CNTFR: variants seen among roughly 807,000 people sequenced by gnomAD.
CNTFR encodes ciliary neurotrophic factor receptor subunit alpha.
In CNTFR, 12 loss-of-function variants were observed where a neutral mutation model predicts 40.4. That is an observed-to-expected ratio of 0.30 (90% CI 0.19 to 0.48). The LOEUF is 0.48. Ranked by LOEUF, CNTFR falls within the 20% of genes least tolerant of loss-of-function variation. The pLI, the probability that CNTFR is intolerant of heterozygous loss-of-function variation, is 0.99. For missense variants in CNTFR, 414 were observed against 506.8 expected, an observed-to-expected ratio of 0.82 and a Z score of 1.76; for synonymous variants, 202 against 209.6, an observed-to-expected ratio of 0.96 and a Z score of 0.31.
chr9:34,573,415 G>A (rs555904113), intron 2 of CNTFR, among the ~76,000 whole-genome samples: 3 of 152,302 alleles, frequency 2.0e-5, no homozygotes, highest in Non-Finnish European at 2.9e-5. Context: ...CTGTGGGCAC[G>A]CCGAGGCTCA....
At chr9:34,583,790 C>T (rs1827431282) in intron 1 of CNTFR, among the ~76,000 whole-genome samples, 1 of 152,144 alleles carries the variant, frequency 6.6e-6, no homozygotes, top group Non-Finnish European at 1.5e-5. Context: ...CCAAAACCGC[C>T]TTCTCTCCGG....
intron 2 of CNTFR, among the ~76,000 whole-genome samples, chr9:34,579,004 G>C (rs1827142582): frequency 6.6e-6 from 1 of 152,210 alleles, no homozygotes. Flanking sequence ...GTGACGGACA[G>C]GTTGGTCACT....
intron 2 of CNTFR, among the ~76,000 whole-genome samples, chr9:34,572,650 G>GC (rs537037791): frequency 6.6e-6 from 1 of 152,086 alleles, no homozygotes; most frequent in Admixed American, 6.5e-5. Flanking sequence ...AAATTCTGGG[G>GC]CCCCAACTTA....
chr9:34,583,569 C>T (rs1278081791), intron 1 of CNTFR, among the ~76,000 whole-genome samples: 1 of 152,188 alleles, frequency 6.6e-6, no homozygotes, highest in Non-Finnish European at 1.5e-5. Context: ...GCTCCGCCTG[C>T]CAATTCCTGA....
intron 2 of CNTFR, among the ~76,000 whole-genome samples, chr9:34,580,613 C>T (rs961395999): frequency 1.3e-5 from 2 of 152,184 alleles, no homozygotes; most frequent in African/African-American, 4.8e-5. Context: ...GCCCCCACCC[C>T]CAAGCTGCCA....
intron 3 of CNTFR, 130 bp from the exon 4 acceptor site, chr9:34,564,962 G>C: frequency 1.4e-6 from 1 of 725,312 alleles, no homozygotes; most frequent in East Asian, 2.7e-5. Context: ...GTCTGTGTGA[G>C]TGTTTGGGGA....
rs549747585 is a variant in CNTFR at position 34,574,568 on chromosome 9, A to G, written c.1-5587T>C. Among the ~76,000 whole-genome samples, 12 of 152,260 alleles carry G rather than the reference A, an allele frequency of 7.9e-5. No homozygotes were observed. The East Asian group carries it at 2.3e-3, about 29-fold the overall frequency. ...AAGGGGGCAGAATAAGCCAAGCACCAGTAGGAAGGGGCCAGGAGGGAGGCA... is the reference window on the plus strand; with the variant it reads ...AAGGGGGCAGAATAAGCCAAGCACCGGTAGGAAGGGGCCAGGAGGGAGGCA... On this transcript the variant is annotated intron_variant, in intron 2 of 9. Coordinates refer to ENST00000378980, the MANE Select transcript of CNTFR (RefSeq NM_147164.3).
At chr9:34,573,762 C>A (rs182055798) in intron 2 of CNTFR, among the ~76,000 whole-genome samples, 4 of 152,332 alleles carry the variant, frequency 2.6e-5, no homozygotes, top group Non-Finnish European at 5.9e-5. Flanking sequence ...GCCTAGAGGG[C>A]CCATCTCAGG....
intron 4 of CNTFR, among the ~76,000 whole-genome samples, chr9:34,561,622 A>T (rs1231346727): frequency 6.6e-6 from 1 of 152,246 alleles, no homozygotes; most frequent in Admixed American, 6.5e-5. Flanking sequence ...AATACTGTTA[A>T]GACCAAGTTC....
intron 2 of CNTFR, among the ~76,000 whole-genome samples, chr9:34,578,369 G>C (rs1234087478): frequency 6.6e-6 from 1 of 152,186 alleles, no homozygotes; most frequent in Non-Finnish European, 1.5e-5. Context: ...GAGGAGATGT[G>C]GCACTTGATG....
At chr9:34,587,885 T>G (rs1446601502) in intron 1 of CNTFR, among the ~76,000 whole-genome samples, 1 of 152,052 alleles carries the variant, frequency 6.6e-6, no homozygotes, top group East Asian at 1.9e-4. Flanking sequence ...TGGGTCCCAG[T>G]GTGAGCAGAG....
chr9:34,579,715 G>A (rs1016738280), intron 2 of CNTFR, among the ~76,000 whole-genome samples: 1 of 152,088 alleles, frequency 6.6e-6, no homozygotes, highest in African/African-American at 2.4e-5. Context: ...CCAGAGAGAG[G>A]CTCTCTGCAA....
chr9:34,558,608 G>A (rs969225528), intron 4 of CNTFR, among the ~76,000 whole-genome samples: 12 of 152,176 alleles, frequency 7.9e-5, no homozygotes, highest in African/African-American at 2.7e-4. Context: ...GGATCCGTAG[G>A]AGCAGCTATG....
chr9:34,584,784 C>T (rs1184629625), intron 1 of CNTFR, among the ~76,000 whole-genome samples: 1 of 151,962 alleles, frequency 6.6e-6, no homozygotes, highest in Non-Finnish European at 1.5e-5. Flanking sequence ...GGCAGGATGA[C>T]CTCTGACCTC....
intron 2 of CNTFR, among the ~76,000 whole-genome samples, chr9:34,577,035 C>T (rs552981687): frequency 1.3e-5 from 2 of 152,320 alleles, no homozygotes; most frequent in South Asian, 4.1e-4. Context: ...GGGCAGATGC[C>T]CAGCAGCAGG....
At chr9:34,559,070 C>T (rs927114474) in intron 4 of CNTFR, among the ~76,000 whole-genome samples, 2 of 152,176 alleles carry the variant, frequency 1.3e-5, no homozygotes, top group African/African-American at 4.8e-5. Context: ...GGGACACTGA[C>T]ACCTCCCTCC....
intron 2 of CNTFR, chr9:34,569,667 A>T (rs1209155467): frequency 1.3e-5 from 2 of 152,358 alleles, no homozygotes; most frequent in Admixed American, 1.3e-4. Flanking sequence ...GAGTCAGGGC[A>T]GTGGGACATG....
At position 34,552,718 on chromosome 9, in the gene CNTFR, C is replaced by T; in HGVS notation, c.905G>A (p.Trp302Ter). The change falls in exon 8 of 10, where the codon TGG (tryptophan) becomes TAG (stop). Residue 302 changes from tryptophan (W) to a stop codon, truncating the protein, a stop_gained. Transcript: ENST00000378980. LOFTEE classifies it high-confidence loss of function. This position sits in a 1 kb window ranked among gnomAD's most constrained non-coding sequence, Gnocchi z 5.1. ...GGTGAGGTGTCGCGGTTCCTCAGTC[C>T]AGGGCGTAGCGTGGGCGGCTACGCT... ...DWSVAAHATP[W>*]TEEPRHLTTE... is the part of the protein sequence containing the mutation. 2 of 1,613,832 alleles carry T rather than the reference C, an allele frequency of 1.2e-6. No homozygotes were observed. Among genetic ancestry groups the T allele is most frequent in the Non-Finnish European group, 1.7e-6 (2 of 1,179,980 alleles).
At chr9:34,580,603 GC>G (rs1339811097) in intron 2 of CNTFR, among the ~76,000 whole-genome samples, 11 of 152,160 alleles carry the variant, frequency 7.2e-5, no homozygotes, top group Non-Finnish European at 8.8e-5. Flanking sequence ...TGCCTTGGAT[GC>G]CCCCACCCCC....
Sources: gnomAD v4.1 joint callset for allele counts (sites outside exome capture counted in the v4.1 genomes callset) on GRCh38, gnomAD v4.1.1 for gene constraint, Gnocchi (gnomAD v3.1) non-coding constraint, MANE v1.5 for transcripts, NCBI Gene and HGNC (gene_info 2026-07-23, HGNC 2026-07-21) for gene names.